Variants in LIMCH1 observed in about 807,000 individuals in gnomAD.
LIMCH1 encodes the protein LIM and calponin homology domains 1, also known as LIM and calponin homology domains-containing protein 1.
LIMCH1 carries 113 observed loss-of-function variants against 176.5 expected under a neutral mutation model. The ratio of observed to expected loss-of-function variants is 0.64; its 90% confidence interval spans 0.55 to 0.75. The LOEUF (loss-of-function observed/expected upper bound fraction) is 0.75. Among genes scored for constraint, LIMCH1 ranks in the 30% least tolerant of loss-of-function variants. LIMCH1 has a pLI of 0.00. For missense variants in LIMCH1, 1,674 were observed against 1,814.9 expected, an observed-to-expected ratio of 0.92 and a Z score of 1.41; for synonymous variants, 619 against 645.9, an observed-to-expected ratio of 0.96 and a Z score of 0.63.
chr4:41,637,565 G>T (rs976583914), intron 13 of LIMCH1, among the ~76,000 whole-genome samples: 1 of 152,148 alleles, frequency 6.6e-6, no homozygotes, highest in Admixed American at 6.5e-5. Flanking sequence ...AGAATATTAG[G>T]TTCAACTTAA....
chr4:41,564,995 A>G (rs879423932), intron 1 of LIMCH1, among the ~76,000 whole-genome samples: 1 of 152,214 alleles, frequency 6.6e-6, no homozygotes, highest in Non-Finnish European at 1.5e-5. Context: ...CTGTAAGTCA[A>G]TTAAACCTCT....
At chr4:41,634,322 G>A (rs985974733) in intron 13 of LIMCH1, among the ~76,000 whole-genome samples, 2 of 152,124 alleles carry the variant, frequency 1.3e-5, no homozygotes, top group African/African-American at 4.8e-5. Flanking sequence ...CCAGTTTAGG[G>A]TCCTATATGT....
At chr4:41,410,444 G>T (rs762151382) in intron 1 of LIMCH1, among the ~76,000 whole-genome samples, 2 of 152,110 alleles carry the variant, frequency 1.3e-5, no homozygotes, top group African/African-American at 4.8e-5. Context: ...CATTGGCGTC[G>T]TAGGAAAGAA....
rs1723715962 is a variant in LIMCH1, at chr4:41,689,571, T to C, written c.4211T>C (p.Leu1404Ser). The stretch of plus-strand genomic sequence containing the variant: ...CTGTGCTCTTCCTGTGGGCTTCCTT[T>C]GGGTAAAGGAGCTGCAATGATCATC... Reference protein sequence around the residue: ...KKLCSSCGLPLGKGAAMIIET... With the variant: ...KKLCSSCGLPSGKGAAMIIET... Residue 1404 changes from leucine (L) to serine (S), a missense_variant, in exon 30 of 32, where the codon TTG becomes TCG. Transcript: ENST00000503057. 1 of 1,612,772 alleles carries C rather than the reference T, an allele frequency of 6.2e-7. No individual in the cohort carries two copies. Among genetic ancestry groups the C allele is most frequent in the Non-Finnish European group, 8.5e-7 (1 of 1,178,882 alleles).
At chr4:41,407,271 C>CGGGT (rs1195551315) in intron 1 of LIMCH1, among the ~76,000 whole-genome samples, 2 of 152,204 alleles carry the variant, frequency 1.3e-5, no homozygotes, top group Non-Finnish European at 2.9e-5. Flanking sequence ...CTTTGTCACC[C>CGGGT]AGGCTGGAGT....
At chr4:41,502,907 T>TCACACA (rs71650929) in intron 2 of LIMCH1, among the ~76,000 whole-genome samples, 5,616 of 142,158 alleles carry the variant, frequency 0.04, 136 homozygotes, top group Middle Eastern at 0.053. Flanking sequence ...CGGAGGTAAA[T>TCACACA]CACACACACA....
At chr4:41,419,611 CTTCCT>C (rs1296947114) in intron 1 of LIMCH1, among the ~76,000 whole-genome samples, 18 of 86,978 alleles carry the variant, frequency 2.1e-4, no homozygotes, top group African/African-American at 1.5e-3. Flanking sequence ...TCCGTCCTTC[CTTCCT>C]TCCTTCCTTC....
intron 1 of LIMCH1, among the ~76,000 whole-genome samples, chr4:41,494,334 CACAT>C (rs1373788893): frequency 2.0e-5 from 3 of 148,538 alleles, no homozygotes; most frequent in East Asian, 3.9e-4. Flanking sequence ...CATATATATA[CACAT>C]ACATATATAT....
chr4:41,684,239 T>G (rs1476318742), intron 26 of LIMCH1, among the ~76,000 whole-genome samples, 158 bp from the exon 27 acceptor site: 2 of 152,228 alleles, frequency 1.3e-5, no homozygotes, highest in Non-Finnish European at 2.9e-5. Context: ...TTTGTAGTAC[T>G]TTATCATTTT....
chr4:41,513,327 C>T (rs2075159023), intron 2 of LIMCH1, among the ~76,000 whole-genome samples: 2 of 152,148 alleles, frequency 1.3e-5, no homozygotes, highest in Admixed American at 6.5e-5. Context: ...CCTGCCAGAG[C>T]CTCTGGCCTC....
chr4:41,461,893 G>A (rs1191963528), intron 1 of LIMCH1, among the ~76,000 whole-genome samples: 5 of 152,174 alleles, frequency 3.3e-5, no homozygotes, highest in Non-Finnish European at 5.9e-5. Context: ...AAATGAGCAT[G>A]TGCATCCCAC....
intron 22 of LIMCH1, among the ~76,000 whole-genome samples, chr4:41,672,404 A>G (rs1032636461): frequency 5.9e-5 from 9 of 152,090 alleles, no homozygotes; most frequent in Admixed American, 2.6e-4. Context: ...AGAATAGAAG[A>G]ATTAGTATTA....
Position 41,472,963 on chromosome 4 carries a change from G to A in LIMCH1, c.97-21573G>A, listed in dbSNP as rs1014732096. 2.1e-6 allele frequency: 2 copies of A among 943,790 alleles called. 1 individual carries two copies. The highest frequency in any genetic ancestry group is 2.5e-6 in the Non-Finnish European group (2 of 792,896). The allele number at this position is 943,790 out of a possible 1,614,324, so 58.5% of individuals were successfully genotyped here. A position where few individuals can be genotyped will look rare whatever the true frequency, so the allele number is the denominator to read the frequency against. On this transcript the variant is annotated intron_variant, in intron 1 of 26. Transcript: ENST00000313860. ...TAGGATTCTGCAGAAAACACTTTGG[G>A]AAATGCTGCTGTAAGCCTTTTTTTT...
Position 41,392,141 on chromosome 4 carries a change from C to G in LIMCH1, c.96+31205C>G, listed in dbSNP as rs546903388. Among the ~76,000 whole-genome samples the G allele has an allele frequency of 9.3e-4, 141 of 152,242 alleles. 3 individuals are homozygous for G. Among genetic ancestry groups the G allele is most frequent in the African/African-American group, 3.2e-3 (133 of 41,548 alleles). On this transcript the variant is annotated intron_variant, in intron 1 of 26. Coordinates refer to the LIMCH1 transcript ENST00000313860. ...TACTGTTTTCTTAATAGGTATTTAA[C>G]ATGAATTTTTCTGGTGCTGGTAATA...
intron 2 of LIMCH1, among the ~76,000 whole-genome samples, chr4:41,512,419 T>C (rs938326147): frequency 2.0e-5 from 3 of 152,074 alleles, no homozygotes; most frequent in Non-Finnish European, 2.9e-5. Context: ...CCAAGAGAAA[T>C]GAAAACACAC....
At chr4:41,663,567 A>G (rs2094708013) in intron 20 of LIMCH1, among the ~76,000 whole-genome samples, 1 of 152,164 alleles carries the variant, frequency 6.6e-6, no homozygotes, top group Admixed American at 6.5e-5. Flanking sequence ...TTATTCTGAT[A>G]TAATAGGTTT....
At chr4:41,633,299 G>A (rs1478905869) in intron 12 of LIMCH1, among the ~76,000 whole-genome samples, 1 of 152,172 alleles carries the variant, frequency 6.6e-6, no homozygotes, top group East Asian at 1.9e-4. Flanking sequence ...ATGTGGCTGA[G>A]TACTGGCCAA....
chr4:41,581,338 T>C (rs1039942833), intron 1 of LIMCH1, among the ~76,000 whole-genome samples: 1 of 152,102 alleles, frequency 6.6e-6, no homozygotes, highest in Non-Finnish European at 1.5e-5. Context: ...TCCTAGCAAA[T>C]TTCAAGTATA....
At chr4:41,500,073 G>A (rs1287981875) in intron 2 of LIMCH1, among the ~76,000 whole-genome samples, 1 of 152,232 alleles carries the variant, frequency 6.6e-6, no homozygotes, top group Non-Finnish European at 1.5e-5. Flanking sequence ...CTTGGCATGG[G>A]ACATAGTAGG....
Sources: gnomAD v4.1 joint callset for allele counts (sites outside exome capture counted in the v4.1 genomes callset) on GRCh38, gnomAD v4.1.1 for gene constraint, MANE v1.5 for transcripts, NCBI Gene and HGNC (gene_info 2026-07-23, HGNC 2026-07-21) for gene names.